PCDHGA6: variants seen among roughly 807,000 people sequenced by gnomAD.
PCDHGA6 encodes the protein protocadherin gamma subfamily A, 6.
PCDHGA6 carries 41 observed loss-of-function variants against 60.6 expected under a neutral mutation model. That is an observed-to-expected ratio of 0.68 (90% CI 0.53 to 0.88). PCDHGA6 has a LOEUF of 0.88. Among genes scored for constraint, PCDHGA6 ranks in the 40% least tolerant of loss-of-function variants. The pLI is 0.00. For synonymous variants in PCDHGA6, 594 were observed against 524.4 expected, an observed-to-expected ratio of 1.13 and a Z score of -1.81; for missense variants, 1,312 against 1,203.0, an observed-to-expected ratio of 1.09 and a Z score of -1.34.
chr5:141,459,028 C>T (rs373532898), intron 1 of PCDHGA6, among the ~76,000 whole-genome samples: 1 of 152,202 alleles, frequency 6.6e-6, no homozygotes, highest in Non-Finnish European at 1.5e-5. Context: ...CCACCACATC[C>T]AGCCTTACCA....
intron 1 of PCDHGA6, chr5:141,393,035 CTT>C: frequency 6.2e-7 from 1 of 1,613,790 alleles, no homozygotes; most frequent in South Asian, 1.1e-5. Flanking sequence ...GGACGCAGCT[CTT>C]TGCTCTGAAC....
intron 1 of PCDHGA6, among the ~76,000 whole-genome samples, chr5:141,467,032 T>G (rs551565159): frequency 2.0e-5 from 3 of 152,164 alleles, no homozygotes; most frequent in Non-Finnish European, 2.9e-5. Flanking sequence ...GTTTTTGTTT[T>G]TTGTGTAATG....
At chr5:141,478,670 C>T (rs1413742587) in intron 1 of PCDHGA6, 28 of 1,551,664 alleles carry the variant, frequency 1.8e-5, no homozygotes, top group Non-Finnish European at 2.4e-5. Flanking sequence ...TTCACACTTT[C>T]AACTGGCCCT....
rs1014896576 is a variant in PCDHGA6, at chr5:141,512,427, C to T, written c.*1254C>T. 6.5e-6 allele frequency: 1 copy of T among 152,788 alleles called. No individual in the cohort carries two copies. Among genetic ancestry groups the T allele is most frequent in the African/African-American group, 2.4e-5 (1 of 41,460 alleles). The allele number at this position is 152,788 out of a possible 1,614,324, so 9.5% of individuals were successfully genotyped here. A position where few individuals can be genotyped will look rare whatever the true frequency, so the allele number is the denominator to read the frequency against. On this transcript the variant is annotated 3_prime_UTR_variant, in exon 4 of 4. Transcript: ENST00000517434. ...GGGCTTCTTCAACAGGGCCCCTGCC[C>T]TCCTGAAGCCTCAGTCCTTCACCTT...
chr5:141,378,217 G>A (rs977724774), intron 1 of PCDHGA6: 2 of 152,186 alleles, frequency 1.3e-5, no homozygotes, highest in African/African-American at 4.8e-5. Context: ...CATACTGTGT[G>A]CCTGATAGTA....
At chr5:141,503,010 A>AT (rs199924715) in intron 2 of PCDHGA6, among the ~76,000 whole-genome samples, 26,593 of 146,658 alleles carry the variant, frequency 0.18, 2,532 homozygotes, top group Admixed American at 0.29. Context: ...TGCCCGGTTA[A>AT]TTTTTTTTTT....
rs761126985 is a variant in PCDHGA6 at position 141,431,245 on chromosome 5, C to G, written c.2424+54738C>G. ...TACCCCACGCCTGGGATCCGGATAT[C>G]GGGAAGAACTCTCTGCAGAGCTACG... is the stretch of plus-strand genomic sequence containing the variant. On this transcript the variant is annotated intron_variant, in intron 1 of 3. Transcript: ENST00000517434. This position sits in a 1 kb window ranked among gnomAD's most constrained non-coding sequence, Gnocchi z 4.8. 1.2e-6 allele frequency: 2 copies of G among 1,614,016 alleles called. No homozygotes were observed. Among genetic ancestry groups the G allele is most frequent in the Non-Finnish European group, 1.7e-6 (2 of 1,180,046 alleles).
chr5:141,456,321 G>A (rs2098849819), intron 1 of PCDHGA6, among the ~76,000 whole-genome samples: 1 of 152,154 alleles, frequency 6.6e-6, no homozygotes, highest in African/African-American at 2.4e-5. Context: ...GGCTCCTCCT[G>A]GGGTTGATCT....
chr5:141,413,699 A>T (rs2095668539), intron 1 of PCDHGA6: 2 of 1,613,762 alleles, frequency 1.2e-6, no homozygotes, highest in East Asian at 4.5e-5. Context: ...CAGAGCTATC[A>T]GCTCAGCCCC....
intron 1 of PCDHGA6, chr5:141,399,900 C>A (rs752796935): frequency 6.2e-7 from 1 of 1,612,532 alleles, no homozygotes; most frequent in African/African-American, 1.3e-5. Flanking sequence ...TGGCCGTGGA[C>A]GCAGACTCAG....
At chr5:141,428,044 C>A in intron 1 of PCDHGA6, 1 of 1,608,790 alleles carries the variant, frequency 6.2e-7, no homozygotes, top group Non-Finnish European at 8.5e-7. Context: ...TACCTGGTGA[C>A]CAAGGTGGTG....
intron 1 of PCDHGA6, chr5:141,413,721 C>A (rs779673406): frequency 6.2e-7 from 1 of 1,613,592 alleles, no homozygotes. Context: ...ATAAGCACTT[C>A]TCCCTAAGAG....
rs762408704 is a variant in PCDHGA6 at position 141,486,335 on chromosome 5, C to G, written c.2425-8472C>G. 6.2e-7 allele frequency: 1 copy of G among 1,613,936 alleles called. No individual in the cohort carries two copies. The highest frequency in any genetic ancestry group is 8.5e-7 in the Non-Finnish European group (1 of 1,180,002). ...AGGGTCAAACGGAGATGTGAGCCTC[C>G]GCATTCCTGACCACTTGCCATTTGC... On this transcript the variant is annotated intron_variant, in intron 1 of 3. Transcript: ENST00000517434. This position sits in a 1 kb window ranked among gnomAD's most constrained non-coding sequence, Gnocchi z 5.0.
intron 1 of PCDHGA6, chr5:141,478,885 A>G (rs2099483148): frequency 8.4e-7 from 1 of 1,193,320 alleles, no homozygotes; most frequent in East Asian, 2.6e-5. Flanking sequence ...GCTTGGTATC[A>G]TTTACATTAG....
rs1589038346 is a variant in PCDHGA6, at chr5:141,387,562, C to T, written c.2424+11055C>T. The T allele has an allele frequency of 6.9e-6, 3 of 437,514 alleles. No individual in the cohort carries two copies. The Admixed American group carries it at 1.2e-4, about 17-fold the overall frequency. The allele number at this position is 437,514 out of a possible 1,614,324, so 27.1% of individuals were successfully genotyped here. A position where few individuals can be genotyped will look rare whatever the true frequency, so the allele number is the denominator to read the frequency against. ...GTTTTTGTTCTTTCAGTTAGGCACA[C>T]AATTATAATTATTGCACTGGTTAAC... On this transcript the variant is annotated intron_variant, in intron 1 of 3. Transcript: ENST00000517434.
intron 1 of PCDHGA6, chr5:141,398,523 A>T (rs988295276): frequency 6.2e-7 from 1 of 1,613,602 alleles, no homozygotes; most frequent in Non-Finnish European, 8.5e-7. Context: ...ACACGCCAAA[A>T]TTCACGCAAA....
At chr5:141,428,532 C>T (rs1561836699) in intron 1 of PCDHGA6, 7 of 277,518 alleles carry the variant, frequency 2.5e-5, no homozygotes, top group Non-Finnish European at 5.0e-5. Context: ...TTAATTTTCT[C>T]ACCATGACAC....
At chr5:141,423,977 G>A in intron 1 of PCDHGA6, 4 of 1,121,548 alleles carry the variant, frequency 3.6e-6, no homozygotes, top group Non-Finnish European at 4.4e-6. Context: ...ATCAGTGTAT[G>A]AGGCTCTCAA....
chr5:141,392,914 C>G (rs2092626800), intron 1 of PCDHGA6: 1 of 1,613,786 alleles, frequency 6.2e-7, no homozygotes. Context: ...ATTCGCTACT[C>G]TGTGCCAGAA....
Sources: allele counts gnomAD v4.1 joint callset (sites outside exome capture counted in the v4.1 genomes callset), GRCh38; gene constraint gnomAD v4.1.1; non-coding constraint Gnocchi (gnomAD v3.1); transcripts MANE v1.5; gene names NCBI Gene and HGNC (gene_info 2026-07-23, HGNC 2026-07-21).